The following DOCK9 variants were observed in gnomAD, a reference collection of about 807,000 sequenced individuals.
DOCK9 encodes dedicator of cytokinesis protein 9.
A neutral mutation model predicts 263.3 loss-of-function variants in DOCK9; 89 were observed. The ratio of observed to expected loss-of-function variants is 0.34; its 90% confidence interval spans 0.28 to 0.40. DOCK9 has a LOEUF of 0.40. DOCK9 is among the 10% of genes least tolerant of loss of function. DOCK9 has a pLI of 1.00. For missense variants in DOCK9, 2,140 were observed against 2,603.4 expected, an observed-to-expected ratio of 0.82 and a Z score of 3.87; for synonymous variants, 976 against 973.1, an observed-to-expected ratio of 1.00 and a Z score of -0.06.
chr13:98,922,253 T>C (rs1055593502), intron 5 of DOCK9, 107 bp from the exon 6 acceptor site: 26 of 755,696 alleles, frequency 3.4e-5, no homozygotes, highest in Admixed American at 1.3e-4. Flanking sequence ...AAGTTGTCCA[T>C]TGCCCCTTTA....
intron 30 of DOCK9, among the ~76,000 whole-genome samples, chr13:98,864,954 T>C (rs1346854289): frequency 6.6e-6 from 1 of 152,134 alleles, no homozygotes; most frequent in Non-Finnish European, 1.5e-5. Flanking sequence ...GCTCCCCCCT[T>C]GCCCTCCACC....
intron 1 of DOCK9, among the ~76,000 whole-genome samples, chr13:99,025,964 T>C (rs981639683): frequency 2.6e-5 from 4 of 151,608 alleles, no homozygotes; most frequent in African/African-American, 9.7e-5. Context: ...AATCCACTGC[T>C]ATGAAATGTC....
chr13:98,840,921 A>T (rs1375734563), intron 38 of DOCK9, among the ~76,000 whole-genome samples: 1 of 152,218 alleles, frequency 6.6e-6, no homozygotes, highest in Non-Finnish European at 1.5e-5. Flanking sequence ...TGCTGAAAGA[A>T]CTCTCCAAAT....
At position 98,904,660 on chromosome 13, in the gene DOCK9, T is replaced by C. The variant is rs559482285; in HGVS notation, c.1007A>G (p.Lys336Arg). 3 of 1,557,754 alleles carry C rather than the reference T, an allele frequency of 1.9e-6. No homozygotes were observed. Among genetic ancestry groups the C allele is most frequent in the Admixed American group, 1.9e-5 (1 of 51,648 alleles). ...EIKLKSESRV[K>R]LFYLDPDAQK... ...GGCATCTGGGTCCAAATAAAAAAGT[T>C]TGACTCTGCTTTCACTTTTCAGTTT... Residue 336 changes from lysine to arginine, a missense_variant, in exon 10 of 53, where the codon AAA becomes AGA. This residue lies in a region of DOCK9 where 1,521 missense variants were observed against 1,741.7 expected (regional missense o/e 0.87). Transcript: ENST00000682017.
intron 1 of DOCK9, among the ~76,000 whole-genome samples, chr13:99,043,665 G>C (rs1888688050): frequency 6.6e-6 from 1 of 152,144 alleles, no homozygotes; most frequent in Non-Finnish European, 1.5e-5. Flanking sequence ...TTGTCCACCG[G>C]GGTAAGGGAA....
At chr13:99,086,263 C>G (rs1380987717) in exon 1 of DOCK9, 15 of 1,499,692 alleles carry the variant, frequency 1.0e-5, no homozygotes, top group Non-Finnish European at 1.3e-5. Flanking sequence ...CACGCTCTGC[C>G]GCAGCTCGGC....
At chr13:98,903,217 C>A in intron 10 of DOCK9, 105 bp from the exon 11 acceptor site, 1 of 886,400 alleles carries the variant, frequency 1.1e-6, no homozygotes, top group Non-Finnish European at 1.6e-6. Context: ...AAGCTATATA[C>A]ACTTATTTAC....
rs1162907603 is a variant in DOCK9 at position 98,794,253 on chromosome 13, C to T, written c.*373G>A. On this transcript the variant is annotated 3_prime_UTR_variant, in exon 53 of 53. Transcript: ENST00000682017. ...CCAGCTCAGCCTCGAGGCAAAAGGT[C>T]CCCCAGGCATCAATGTCAGTGCAGC... 1 of 199,466 alleles carries T rather than the reference C, an allele frequency of 5.0e-6. No homozygotes were observed. Among genetic ancestry groups the T allele is most frequent in the African/African-American group, 2.3e-5 (1 of 43,380 alleles). 12.4% of individuals were successfully genotyped at this position (199,466 alleles called of 1,614,324 possible). A position where few individuals can be genotyped will look rare whatever the true frequency, so the allele number is the denominator to read the frequency against.
intron 1 of DOCK9, among the ~76,000 whole-genome samples, chr13:99,006,189 T>C (rs1883304468): frequency 6.6e-6 from 1 of 152,226 alleles, no homozygotes; most frequent in Non-Finnish European, 1.5e-5. Context: ...AAAGGTGTTA[T>C]CTTTTGTTTC....
In DOCK9 at chr13:98,863,442, G is replaced by A. The variant is rs1224881666; in HGVS notation, c.3393C>T (p.Val1131=). The change falls in exon 31 of 53, where the codon GTC becomes GTT. Residue 1131 remains valine (V), a synonymous_variant. Transcript: ENST00000682017. ...TGAGCACACTGATGGCGATCAGACG[G>A]ACCTCCCGGAACTCCTGGAGGGCTG... The part of the protein sequence containing the change: ...VGTALQEFRE[V]RLIAISVLKN... The A allele has an allele frequency of 1.2e-5, 20 of 1,613,876 alleles. No homozygotes were observed. Among genetic ancestry groups the A allele is most frequent in the Non-Finnish European group, 1.7e-5 (20 of 1,179,896 alleles).
At chr13:98,901,968 T>G in intron 12 of DOCK9, 68 bp from the exon 13 acceptor site, 1 of 1,566,424 alleles carries the variant, frequency 6.4e-7, no homozygotes, top group Non-Finnish European at 8.7e-7. Flanking sequence ...CCATGAACAT[T>G]AAACAGCAAA....
intron 52 of DOCK9, among the ~76,000 whole-genome samples, chr13:98,795,155 G>A (rs558889809): frequency 2.0e-5 from 3 of 152,318 alleles, no homozygotes; most frequent in South Asian, 2.1e-4. Context: ...ATAAGGCAAC[G>A]TGAGGTCTAC....
intron 9 of DOCK9, among the ~76,000 whole-genome samples, chr13:98,913,748 AG>A (rs2050434154): frequency 6.6e-6 from 1 of 152,240 alleles, no homozygotes; most frequent in South Asian, 2.1e-4. Context: ...GAAGCTAAAA[AG>A]GCAACATCAT....
At chr13:99,000,642 A>G (rs867535995) in intron 1 of DOCK9, among the ~76,000 whole-genome samples, 22 of 152,238 alleles carry the variant, frequency 1.4e-4, no homozygotes, top group African/African-American at 5.1e-4. Context: ...ACTCATGCAC[A>G]GAGATGGGCT....
chr13:99,038,960 A>T (rs576093990), intron 1 of DOCK9, among the ~76,000 whole-genome samples: 1 of 152,338 alleles, frequency 6.6e-6, no homozygotes, highest in East Asian at 1.9e-4. Context: ...ATTATTCCAC[A>T]TCATCTTCTG....
chr13:98,950,908 C>T (rs184044377), intron 2 of DOCK9, among the ~76,000 whole-genome samples: 13 of 152,328 alleles, frequency 8.5e-5, no homozygotes, highest in Admixed American at 1.3e-4. Context: ...GAAGAATCGT[C>T]ATTGGAAATC....
intron 1 of DOCK9, among the ~76,000 whole-genome samples, chr13:99,066,973 G>C (rs1046022767): frequency 1.3e-5 from 2 of 152,182 alleles, no homozygotes; most frequent in African/African-American, 4.8e-5. Context: ...TGCAAAAGGA[G>C]TGTAATAGAT....
chr13:98,883,245 G>C, intron 22 of DOCK9, 114 bp from the exon 23 acceptor site: 1 of 984,500 alleles, frequency 1.0e-6, no homozygotes. Flanking sequence ...TGTTGTTGTT[G>C]TTGTTGTTGC....
intron 23 of DOCK9, 83 bp from the exon 24 acceptor site, chr13:98,882,090 A>G (rs2044865112): frequency 8.9e-7 from 1 of 1,125,984 alleles, no homozygotes; most frequent in South Asian, 1.4e-5. Context: ...CCAAACAAGG[A>G]TGGAAGAACT....
Sources: gnomAD v4.1 joint callset for allele counts (sites outside exome capture counted in the v4.1 genomes callset) on GRCh38, gnomAD v4.1.1 for gene constraint, gnomAD v4.1.1 regional missense constraint, MANE v1.5 for transcripts, NCBI Gene and HGNC (gene_info 2026-07-23, HGNC 2026-07-21) for gene names.